The following TBC1D15 variants were observed in gnomAD, a reference collection of about 807,000 sequenced individuals.
TBC1D15 encodes GAP for RAB7.
In TBC1D15, 39 loss-of-function variants were observed where a neutral mutation model predicts 95.4. The ratio of observed to expected loss-of-function variants is 0.41; its 90% confidence interval spans 0.32 to 0.53. TBC1D15 has a LOEUF of 0.53. Among genes scored for constraint, TBC1D15 ranks in the 20% least tolerant of loss-of-function variants. The probability of loss-of-function intolerance (pLI) is 0.29; values close to 1 mark genes in which losing one functional copy is unlikely to be tolerated. For synonymous variants in TBC1D15, 258 were observed against 261.3 expected, an observed-to-expected ratio of 0.99 and a Z score of 0.12; for missense variants, 733 against 794.3, an observed-to-expected ratio of 0.92 and a Z score of 0.93.
Position 71,884,914 on chromosome 12 carries a change from T to C in TBC1D15, c.447T>C (p.Tyr149=), listed in dbSNP as rs376375651. 19 of 1,614,070 alleles carry C rather than the reference T, an allele frequency of 1.2e-5. No homozygotes were observed. The highest frequency in any genetic ancestry group is 1.5e-5 in the Non-Finnish European group (18 of 1,179,960). Residue 149 remains tyrosine (Y), a synonymous_variant, in exon 5 of 17, where the codon TAT becomes TAC. Coordinates refer to ENST00000485960, the MANE Select transcript of TBC1D15 (RefSeq NM_001146213.3). The part of the protein sequence containing the change: ...KQNKEGMGWS[Y]LVFCLKDDVV... ...ACAAAGAGGGTATGGGCTGGTCCTATTTGGTATTCTGTCTAAAGGATGACG... is the reference window on the plus strand; with the variant it reads ...ACAAAGAGGGTATGGGCTGGTCCTACTTGGTATTCTGTCTAAAGGATGACG...
intron 1 of TBC1D15, among the ~76,000 whole-genome samples, chr12:71,865,630 G>A: frequency 6.6e-6 from 1 of 152,106 alleles, no homozygotes; most frequent in Non-Finnish European, 1.5e-5. Context: ...TATTCCCCAG[G>A]GAGAGGAGTA....
At position 71,850,894 on chromosome 12, in the gene TBC1D15, G is replaced by A. The variant is rs367911511; in HGVS notation, c.30+11083G>A. 2.9e-4 allele frequency among the ~76,000 whole-genome samples: 44 copies of A among 149,736 alleles called. No homozygotes were observed. In the South Asian group the frequency reaches 3.6e-3, roughly 12 times the overall value. On this transcript the variant is annotated intron_variant, in intron 1 of 16. Transcript: ENST00000485960. ...CCCAACTACTTGGGAGGCTAAGGCA[G>A]GAGAATCGCTTGAACCCGGGAGGCA...
intron 3 of TBC1D15, among the ~76,000 whole-genome samples, chr12:71,874,823 A>G (rs1227975819): frequency 2.0e-5 from 3 of 151,892 alleles, no homozygotes; most frequent in East Asian, 3.9e-4. Context: ...GAGTTTCACC[A>G]TGTTGGCCAG....
intron 7 of TBC1D15, among the ~76,000 whole-genome samples, chr12:71,895,415 T>C (rs1005653110): frequency 1.3e-5 from 2 of 152,040 alleles, no homozygotes; most frequent in Non-Finnish European, 1.5e-5. Flanking sequence ...AATTAAAGGG[T>C]TTATCTTGCA....
At chr12:71,891,919 T>C (rs1028355437) in intron 5 of TBC1D15, among the ~76,000 whole-genome samples, 1 of 152,086 alleles carries the variant, frequency 6.6e-6, no homozygotes, top group Non-Finnish European at 1.5e-5. Context: ...ATTTTTTATT[T>C]GGGTTTTAAA....
intron 11 of TBC1D15, 51 bp from the exon 12 acceptor site, chr12:71,913,775 A>C (rs1398145182): frequency 7.1e-6 from 9 of 1,262,982 alleles, no homozygotes; most frequent in Non-Finnish European, 1.0e-5. Flanking sequence ...AACTTGCAGA[A>C]GGTTACATAA....
At chr12:71,847,904 C>G (rs996735471) in intron 1 of TBC1D15, among the ~76,000 whole-genome samples, 6 of 151,958 alleles carry the variant, frequency 3.9e-5, no homozygotes, top group Non-Finnish European at 5.9e-5. Context: ...TCAAGACCAG[C>G]CTGACCAACA....
intron 5 of TBC1D15, among the ~76,000 whole-genome samples, chr12:71,886,748 C>T (rs1896304694): frequency 6.6e-6 from 1 of 152,028 alleles, no homozygotes; most frequent in South Asian, 2.1e-4. Context: ...GAAGTGAGAA[C>T]CTGTGATAGG....
chr12:71,918,378 A>G (rs1479536566), intron 13 of TBC1D15, 73 bp from the exon 14 acceptor site: 1 of 954,838 alleles, frequency 1.0e-6, no homozygotes, highest in Non-Finnish European at 1.6e-6. Context: ...TAGGAAAGTT[A>G]GAGAAAAGTA....
At chr12:71,849,899 C>T (rs1008529158) in intron 1 of TBC1D15, 6 of 570,614 alleles carry the variant, frequency 1.1e-5, no homozygotes, top group African/African-American at 7.6e-5. Context: ...CCAAAGCTTC[C>T]AGCGTCTTGA....
intron 14 of TBC1D15, among the ~76,000 whole-genome samples, chr12:71,919,521 A>G (rs773230727): frequency 1.2e-4 from 18 of 152,210 alleles, no homozygotes; most frequent in Admixed American, 2.6e-4. Flanking sequence ...TTCCTATACT[A>G]TTGATGGCTG....
chr12:71,879,590 C>T (rs1894718987), intron 3 of TBC1D15, among the ~76,000 whole-genome samples: 1 of 152,182 alleles, frequency 6.6e-6, no homozygotes, highest in South Asian at 2.1e-4. Flanking sequence ...TCCATTTCCT[C>T]ACGTTGTCTT....
intron 5 of TBC1D15, among the ~76,000 whole-genome samples, chr12:71,887,163 T>C (rs1896386918): frequency 7.6e-6 from 1 of 131,228 alleles, no homozygotes; most frequent in African/African-American, 3.1e-5. Context: ...AACCGGATCA[T>C]TGTATTAATC....
At chr12:71,894,916 T>A (rs952919154) in intron 7 of TBC1D15, 33 bp downstream of exon 7, 6 of 1,574,340 alleles carry the variant, frequency 3.8e-6, no homozygotes, top group Non-Finnish European at 5.2e-6. Flanking sequence ...ATAGCTCTTA[T>A]ATTTTAACAG....
At chr12:71,884,029 T>G (rs931688171) in intron 4 of TBC1D15, among the ~76,000 whole-genome samples, 2 of 152,184 alleles carry the variant, frequency 1.3e-5, no homozygotes, top group Non-Finnish European at 2.9e-5. Flanking sequence ...TGGTTTGAAC[T>G]GAGGTCTTAA....
chr12:71,866,963 C>T (rs1891635692), intron 1 of TBC1D15, among the ~76,000 whole-genome samples: 3 of 152,130 alleles, frequency 2.0e-5, no homozygotes, highest in South Asian at 2.1e-4. Context: ...TGTGCTTAGA[C>T]ATTAGGGTGA....
intron 3 of TBC1D15, among the ~76,000 whole-genome samples, chr12:71,874,312 TTTTAA>T (rs951147445): frequency 6.6e-6 from 1 of 152,128 alleles, no homozygotes; most frequent in Non-Finnish European, 1.5e-5. Flanking sequence ...GTCGTTGTGG[TTTTAA>T]TTTATGTTTT....
chr12:71,861,260 G>C, intron 1 of TBC1D15: 1 of 414,392 alleles, frequency 2.4e-6, no homozygotes, highest in Non-Finnish European at 4.2e-6. Flanking sequence ...CAGTTTTCTG[G>C]AAGAGTTTGG....
intron 1 of TBC1D15, among the ~76,000 whole-genome samples, chr12:71,868,496 T>C (rs1018216433): frequency 2.0e-5 from 3 of 152,130 alleles, no homozygotes; most frequent in African/African-American, 7.2e-5. Context: ...TCCACCCACC[T>C]CGGCCTCCCA....
Sources: allele counts gnomAD v4.1 joint callset (sites outside exome capture counted in the v4.1 genomes callset), GRCh38; gene constraint gnomAD v4.1.1; transcripts MANE v1.5; gene names NCBI Gene and HGNC (gene_info 2026-07-23, HGNC 2026-07-21).